LRP1B: variants seen among roughly 807,000 people sequenced by gnomAD.
LRP1B encodes the protein low-density lipoprotein receptor-related protein 1B.
In LRP1B, 217 loss-of-function variants were observed where a neutral mutation model predicts 556.6. The observed-to-expected ratio is 0.39, with a 90% CI of 0.35 to 0.44. The LOEUF is 0.44. LRP1B is among the 20% of genes least tolerant of loss of function. The pLI is 1.00. For synonymous variants in LRP1B, 2,047 were observed against 1,865.8 expected, an observed-to-expected ratio of 1.10 and a Z score of -2.50; for missense variants, 5,053 against 5,620.8, an observed-to-expected ratio of 0.90 and a Z score of 3.23.
chr2:141,434,899 G>A (rs972982238), intron 3 of LRP1B, among the ~76,000 whole-genome samples: 6 of 152,038 alleles, frequency 3.9e-5, no homozygotes, highest in Non-Finnish European at 5.9e-5. Context: ...CTACCTTTAG[G>A]TCATCCCTGG....
chr2:140,772,912 G>A (rs1463769062), intron 33 of LRP1B, among the ~76,000 whole-genome samples: 1 of 151,834 alleles, frequency 6.6e-6, no homozygotes, highest in African/African-American at 2.4e-5. Flanking sequence ...TCTGAGACAA[G>A]CCTGTCTCAA....
intron 5 of LRP1B, among the ~76,000 whole-genome samples, chr2:141,236,703 A>G (rs1031561545): frequency 9.2e-5 from 14 of 152,194 alleles, no homozygotes; most frequent in Admixed American, 9.2e-4. Context: ...CGTCTTACAC[A>G]CTGCCTTCAA....
chr2:141,810,851 C>T (rs1696331186), intron 1 of LRP1B, among the ~76,000 whole-genome samples: 1 of 152,030 alleles, frequency 6.6e-6, no homozygotes, highest in East Asian at 1.9e-4. Context: ...TCTGAGTATT[C>T]AGTTCTTAAC....
intron 1 of LRP1B, among the ~76,000 whole-genome samples, chr2:141,994,204 T>C (rs1299270539): frequency 6.6e-6 from 1 of 152,178 alleles, no homozygotes; most frequent in Non-Finnish European, 1.5e-5. Context: ...GAGTTGTAGT[T>C]GTTTGCTAAG....
intron 3 of LRP1B, among the ~76,000 whole-genome samples, chr2:141,317,877 T>C (rs572649854): frequency 1.9e-4 from 29 of 152,262 alleles, no homozygotes; most frequent in African/African-American, 6.7e-4. Context: ...CTGAAGTTTA[T>C]CTTTGAGGTC....
At chr2:141,440,613 G>A (rs1376200250) in intron 3 of LRP1B, among the ~76,000 whole-genome samples, 1 of 152,156 alleles carries the variant, frequency 6.6e-6, no homozygotes, top group Admixed American at 6.5e-5. Flanking sequence ...TACTTCTACT[G>A]TACAGTAGCT....
At chr2:140,342,567 T>C (rs1681449156) in intron 77 of LRP1B, among the ~76,000 whole-genome samples, 1 of 151,598 alleles carries the variant, frequency 6.6e-6, no homozygotes, top group Non-Finnish European at 1.5e-5. Context: ...GGAGTTCATA[T>C]ATAGAGATAT....
At chr2:141,713,021 T>C (rs1466405279) in intron 2 of LRP1B, among the ~76,000 whole-genome samples, 2 of 151,810 alleles carry the variant, frequency 1.3e-5, no homozygotes, top group African/African-American at 4.8e-5. Flanking sequence ...TAGACAGATA[T>C]TATCCTAACC....
chr2:140,804,071 GAA>G (rs34454067), intron 32 of LRP1B, among the ~76,000 whole-genome samples: 1 of 147,790 alleles, frequency 6.8e-6, no homozygotes, highest in East Asian at 2.0e-4. Context: ...AGTAAGCTTT[GAA>G]AAAAAAAAAT....
intron 43 of LRP1B, among the ~76,000 whole-genome samples, chr2:140,585,368 T>C (rs1305263002): frequency 6.6e-6 from 1 of 152,126 alleles, no homozygotes; most frequent in African/African-American, 2.4e-5. Context: ...TTCAAATTCA[T>C]GTCTAAACAA....
At chr2:140,784,411 C>CACACAT (rs1553533153) in intron 32 of LRP1B, among the ~76,000 whole-genome samples, 1 of 149,986 alleles carries the variant, frequency 6.7e-6, no homozygotes, top group Non-Finnish European at 1.5e-5. Flanking sequence ...CACACACACA[C>CACACAT]ACACACACAC....
intron 32 of LRP1B, among the ~76,000 whole-genome samples, chr2:140,783,970 A>G (rs1249659947): frequency 6.6e-6 from 1 of 152,210 alleles, no homozygotes; most frequent in Non-Finnish European, 1.5e-5. Context: ...TGTATGATCC[A>G]GTAGTTCAAG....
intron 11 of LRP1B, among the ~76,000 whole-genome samples, chr2:141,044,554 G>C (rs868208495): frequency 2.7e-4 from 40 of 149,358 alleles, no homozygotes; most frequent in African/African-American, 8.3e-4. Context: ...AATCTACAAT[G>C]AACTCAAACA....
intron 2 of LRP1B, among the ~76,000 whole-genome samples, chr2:141,611,084 G>A (rs1170924594): frequency 6.6e-6 from 1 of 152,142 alleles, no homozygotes; most frequent in Non-Finnish European, 1.5e-5. Flanking sequence ...AGAATCAATT[G>A]CACATTTGCC....
intron 2 of LRP1B, among the ~76,000 whole-genome samples, chr2:141,650,454 A>AG (rs1689745023): frequency 6.6e-6 from 1 of 152,178 alleles, no homozygotes; most frequent in African/African-American, 2.4e-5. Flanking sequence ...TTTCAGCCTA[A>AG]GAACAAAGGA....
At chr2:141,535,729 A>G (rs1685049332) in intron 2 of LRP1B, among the ~76,000 whole-genome samples, 1 of 152,118 alleles carries the variant, frequency 6.6e-6, no homozygotes, top group African/African-American at 2.4e-5. Context: ...GGGCAATTTA[A>G]GAAATCACCA....
intron 15 of LRP1B, 118 bp from the exon 16 acceptor site, chr2:140,994,253 A>T: frequency 1.2e-6 from 1 of 811,792 alleles, no homozygotes; most frequent in East Asian, 2.6e-5. Context: ...GGGATGAGGT[A>T]TTTGTCCTTC....
At chr2:141,169,177 T>G (rs897655053) in intron 7 of LRP1B, among the ~76,000 whole-genome samples, 4 of 151,462 alleles carry the variant, frequency 2.6e-5, no homozygotes, top group African/African-American at 9.7e-5. Context: ...TCCCAGCTAC[T>G]TGGGAGGCTG....
At chr2:140,606,213 A>G (rs1682863077) in intron 41 of LRP1B, among the ~76,000 whole-genome samples, 1 of 152,104 alleles carries the variant, frequency 6.6e-6, no homozygotes, top group Admixed American at 6.6e-5. Context: ...TGTATTCTAT[A>G]TAAGAGCAAT....
Sources: allele counts gnomAD v4.1 joint callset (sites outside exome capture counted in the v4.1 genomes callset), GRCh38; gene constraint gnomAD v4.1.1; transcripts MANE v1.5; gene names NCBI Gene and HGNC (gene_info 2026-07-23, HGNC 2026-07-21).